The following LRMDA variants were observed in gnomAD, a reference collection of about 807,000 sequenced individuals.
LRMDA encodes the protein leucine rich melanocyte differentiation associated, also known as leucine-rich melanocyte differentiation-associated protein.
LRMDA carries 18 observed loss-of-function variants against 29.8 expected under a neutral mutation model. The observed-to-expected ratio is 0.60, with a 90% CI of 0.42 to 0.90. The LOEUF is 0.90. Ranked by LOEUF, LRMDA falls within the 40% of genes least tolerant of loss-of-function variation. The pLI is 0.00. For missense variants in LRMDA, 273 were observed against 273.9 expected (o/e 1.00, Z 0.02); for synonymous variants, 125 against 109.4 (o/e 1.14, Z -0.89).
At chr10:76,078,752 C>T (rs538320517) in intron 5 of LRMDA, among the ~76,000 whole-genome samples, 261 of 152,240 alleles carry the variant, frequency 1.7e-3, no homozygotes, top group African/African-American at 6.1e-3. Flanking sequence ...AGGAGAATGG[C>T]GTGAACCCAG....
At chr10:75,483,694 A>G (rs1055468152) in intron 2 of LRMDA, among the ~76,000 whole-genome samples, 2 of 152,224 alleles carry the variant, frequency 1.3e-5, no homozygotes, top group Non-Finnish European at 2.9e-5. Context: ...TTTTTAAATT[A>G]CTAATTTTAT....
intron 2 of LRMDA, among the ~76,000 whole-genome samples, chr10:75,689,506 T>C (rs915058034): frequency 6.6e-6 from 1 of 152,132 alleles, no homozygotes; most frequent in African/African-American, 2.4e-5. Context: ...GTCCCACAAT[T>C]GTTGGGGGAG....
chr10:75,980,864 T>C (rs1403450036), intron 2 of LRMDA, among the ~76,000 whole-genome samples: 1 of 152,200 alleles, frequency 6.6e-6, no homozygotes, highest in Non-Finnish European at 1.5e-5. Context: ...AAATGTTGCT[T>C]AGCAACCAGA....
At chr10:75,454,364 C>T (rs998891372) in intron 2 of LRMDA, among the ~76,000 whole-genome samples, 15 of 152,172 alleles carry the variant, frequency 9.9e-5, no homozygotes, top group Admixed American at 1.3e-4. Context: ...GGTAGTAAAA[C>T]GGGCAGGAGA....
intron 6 of LRMDA, among the ~76,000 whole-genome samples, chr10:76,530,631 G>A (rs922751062): frequency 6.6e-6 from 1 of 152,140 alleles, no homozygotes; most frequent in Non-Finnish European, 1.5e-5. Flanking sequence ...GAAAGAGAAC[G>A]AGAGAGGCAA....
At chr10:75,694,418 G>A (rs556313859) in intron 2 of LRMDA, among the ~76,000 whole-genome samples, 2 of 152,202 alleles carry the variant, frequency 1.3e-5, no homozygotes, top group Non-Finnish European at 2.9e-5. Flanking sequence ...AAAGGCAGTT[G>A]TATGGGAGTG....
intron 5 of LRMDA, among the ~76,000 whole-genome samples, chr10:76,178,185 G>A (rs1850976240): frequency 6.6e-6 from 1 of 152,178 alleles, no homozygotes; most frequent in African/African-American, 2.4e-5. Flanking sequence ...AGCCCTCAGG[G>A]CCTTGTGTTG....
chr10:76,378,129 T>A (rs188188059), intron 6 of LRMDA, among the ~76,000 whole-genome samples: 53 of 152,290 alleles, frequency 3.5e-4, no homozygotes, highest in Middle Eastern at 3.4e-3. Flanking sequence ...TTTCTAGGTA[T>A]TTTACTTTTT....
At chr10:75,765,540 CA>C (rs1843151803) in intron 2 of LRMDA, among the ~76,000 whole-genome samples, 1 of 151,978 alleles carries the variant, frequency 6.6e-6, no homozygotes. Context: ...TTGTAAATTC[CA>C]AAAAATTGGT....
chr10:75,514,640 A>G (rs1845268859), intron 2 of LRMDA, among the ~76,000 whole-genome samples: 1 of 152,038 alleles, frequency 6.6e-6, no homozygotes, highest in Non-Finnish European at 1.5e-5. Context: ...TCCCTGGAGA[A>G]CTGATAGTTA....
At chr10:76,109,104 C>T (rs1849533796) in intron 5 of LRMDA, among the ~76,000 whole-genome samples, 1 of 152,158 alleles carries the variant, frequency 6.6e-6, no homozygotes, top group Non-Finnish European at 1.5e-5. Context: ...AGGTCATGAC[C>T]TCCAGCTTAA....
intron 2 of LRMDA, among the ~76,000 whole-genome samples, chr10:75,759,596 A>G (rs1843071230): frequency 1.3e-5 from 2 of 152,210 alleles, no homozygotes; most frequent in Non-Finnish European, 2.9e-5. Context: ...CAAGGAGAGG[A>G]GGAGTGCTAA....
chr10:76,062,182 C>T (rs552031271), intron 5 of LRMDA, among the ~76,000 whole-genome samples: 78 of 152,326 alleles, frequency 5.1e-4, no homozygotes, highest in Middle Eastern at 3.4e-3. Context: ...ATCGGAATCT[C>T]AAGCTGGCTC....
intron 2 of LRMDA, among the ~76,000 whole-genome samples, chr10:75,639,399 C>T (rs1006619291): frequency 8.5e-5 from 13 of 152,102 alleles, no homozygotes; most frequent in Middle Eastern, 3.4e-3. Flanking sequence ...GAAGGGGAGC[C>T]GAAACAGTTT....
intron 5 of LRMDA, among the ~76,000 whole-genome samples, chr10:76,223,354 G>A (rs1851885015): frequency 2.6e-5 from 4 of 152,094 alleles, no homozygotes; most frequent in Admixed American, 2.6e-4. Context: ...AGAATTACCT[G>A]GTCCAGCCAT....
chr10:76,264,650 ATC>A (rs1258624974), intron 5 of LRMDA, among the ~76,000 whole-genome samples: 1 of 151,966 alleles, frequency 6.6e-6, no homozygotes, highest in Non-Finnish European at 1.5e-5. Context: ...TCTATTTCTC[ATC>A]TCTCGTCTGT....
chr10:76,214,342 TTTTTTTTTTTTTTA>T (rs1189878103), intron 5 of LRMDA, among the ~76,000 whole-genome samples: 1 of 129,970 alleles, frequency 7.7e-6, no homozygotes, highest in Non-Finnish European at 1.6e-5. Context: ...TTTTTTTTTT[TTTTTTTTTTTTTTA>T]TGAGACGGAG....
chr10:75,545,561 A>G (rs982131198), intron 2 of LRMDA, among the ~76,000 whole-genome samples: 3 of 152,320 alleles, frequency 2.0e-5, no homozygotes, highest in African/African-American at 4.8e-5. Flanking sequence ...CTTAGTTAAT[A>G]TATGACAACT....
At chr10:75,488,834 C>T (rs1359240311) in intron 2 of LRMDA, among the ~76,000 whole-genome samples, 1 of 152,160 alleles carries the variant, frequency 6.6e-6, no homozygotes, top group East Asian at 1.9e-4. Flanking sequence ...TGCTAAAATA[C>T]TGCCTTCCTG....
Sources: allele counts gnomAD v4.1 joint callset (sites outside exome capture counted in the v4.1 genomes callset), GRCh38; gene constraint gnomAD v4.1.1; transcripts MANE v1.5; gene names NCBI Gene and HGNC (gene_info 2026-07-23, HGNC 2026-07-21).